Variants in ANKRD11 observed in about 807,000 individuals in gnomAD.
The protein encoded by ANKRD11 is ankyrin repeat domain 11.
ANKRD11 carries 17 observed loss-of-function variants against 195.7 expected under a neutral mutation model. The ratio of observed to expected loss-of-function variants is 0.09; its 90% confidence interval spans 0.06 to 0.13. The LOEUF (loss-of-function observed/expected upper bound fraction) is 0.13. ANKRD11 is among the 10% of genes least tolerant of loss of function. ANKRD11 has a pLI of 1.00. For missense variants in ANKRD11, 3,735 were observed against 3,566.1 expected (o/e 1.05, Z -1.21); for synonymous variants, 1,953 against 1,528.1 (o/e 1.28, Z -6.49).
chr16:89,475,212 A>T (rs1473051601), intron 1 of ANKRD11, among the ~76,000 whole-genome samples: 2 of 152,172 alleles, frequency 1.3e-5, no homozygotes, highest in Non-Finnish European at 2.9e-5. Context: ...AAAGGCAATG[A>T]CCACTCCACT....
chr16:89,449,978 G>A (rs1277540200), intron 1 of ANKRD11, among the ~76,000 whole-genome samples: 1 of 152,142 alleles, frequency 6.6e-6, no homozygotes, highest in African/African-American at 2.4e-5. Flanking sequence ...CCTAAGCAAG[G>A]GGAGCCCTGC....
chr16:89,353,646 T>G (rs964527920), intron 2 of ANKRD11, among the ~76,000 whole-genome samples: 8 of 151,984 alleles, frequency 5.3e-5, no homozygotes, highest in African/African-American at 1.9e-4. Flanking sequence ...CTTGCCTAAT[T>G]TCTTTGTATT....
rs866609551 is a variant in ANKRD11, at chr16:89,281,203, G to C, written c.5339C>G (p.Ala1780Gly). 2.5e-6 allele frequency: 4 copies of C among 1,614,208 alleles called. No individual in the cohort carries two copies. In the African/African-American group the frequency reaches 5.3e-5, roughly 22 times the overall value. ...GTAAAGGTTTGTGGAGAGAGGCCTG[G>C]CAGGAGCCTGGCTGGCGTTTTCCGA... ...GLSENASQAP[A>G]RPLSTNLYRS... Residue 1780 changes from alanine (A) to glycine (G), a missense_variant, in exon 9 of 13, where the codon GCC becomes GGC. Ala to Gly is a moderately conservative substitution (Grantham distance 60). Transcript: ENST00000301030. This position sits in a 1 kb window ranked among gnomAD's most constrained non-coding sequence, Gnocchi z 5.5.
chr16:89,385,259 G>A (rs2040858674), intron 2 of ANKRD11, among the ~76,000 whole-genome samples: 1 of 151,934 alleles, frequency 6.6e-6, no homozygotes, highest in Admixed American at 6.5e-5. Flanking sequence ...GCCCGTCTCA[G>A]CTCACTGCAC....
rs1369924058 is a variant in ANKRD11, at chr16:89,284,467, T to C, written c.2075A>G (p.Asp692Gly). The C allele has an allele frequency of 1.2e-6, 2 of 1,614,150 alleles. No individual in the cohort carries two copies. Among genetic ancestry groups the C allele is most frequent in the Admixed American group, 1.7e-5 (1 of 60,028 alleles). The change falls in exon 9 of 13, where the codon GAC becomes GGC. Residue 692 changes from aspartate (D) to glycine (G), a missense_variant. By Grantham distance (94) the Asp-to-Gly change is moderately conservative. Coordinates refer to ENST00000301030, the MANE Select transcript of ANKRD11 (RefSeq NM_013275.6). Reference sequence around the variant, plus strand: ...AAGTTTCTCTTCTTTTTTAAAGTGGTCGCGATCGTGCTTTAACACTTTTAG... The same window carrying C: ...AAGTTTCTCTTCTTTTTTAAAGTGGCCGCGATCGTGCTTTAACACTTTTAG... ...NKLKVLKHDR[D>G]HFKKEEKLSK...
chr16:89,269,205 G>T (rs531926163), intron 12 of ANKRD11, among the ~76,000 whole-genome samples: 2 of 152,254 alleles, frequency 1.3e-5, no homozygotes, highest in South Asian at 2.1e-4. Context: ...CTCAAGGCTG[G>T]AGTGCAGTGG....
At chr16:89,456,112 C>A (rs566963328) in intron 1 of ANKRD11, among the ~76,000 whole-genome samples, 3 of 152,082 alleles carry the variant, frequency 2.0e-5, no homozygotes, top group African/African-American at 7.2e-5. Flanking sequence ...TGGTGGCGTG[C>A]ACCTGTAGTC....
chr16:89,418,897 G>A (rs1038536577), intron 1 of ANKRD11, among the ~76,000 whole-genome samples: 32 of 151,756 alleles, frequency 2.1e-4, no homozygotes, highest in Non-Finnish European at 2.9e-5. Context: ...AGCCTCCCGA[G>A]TAGATGGGAT....
intron 2 of ANKRD11, among the ~76,000 whole-genome samples, chr16:89,413,890 G>A (rs2042195223): frequency 1.3e-5 from 2 of 152,116 alleles, no homozygotes; most frequent in African/African-American, 4.8e-5. Flanking sequence ...GAGGCAGGAG[G>A]GTGGTACCAA....
chr16:89,309,722 CT>C (rs2036505922), intron 3 of ANKRD11, among the ~76,000 whole-genome samples: 1 of 152,250 alleles, frequency 6.6e-6, no homozygotes, highest in Non-Finnish European at 1.5e-5. Flanking sequence ...CCCCTCTAAC[CT>C]TTCCTCACCA....
intron 7 of ANKRD11, chr16:89,286,405 G>C (rs530588542): frequency 1.3e-5 from 9 of 694,768 alleles, no homozygotes; most frequent in Middle Eastern, 4.0e-4. Context: ...GGCTGCAGCC[G>C]CGGGGGCTCC....
chr16:89,432,944 A>ATCTCTCTCTCTCTCTCTCTCTC, intron 1 of ANKRD11, among the ~76,000 whole-genome samples: 1 of 108,732 alleles, frequency 9.2e-6, no homozygotes, highest in African/African-American at 3.9e-5. Flanking sequence ...CAGAGACCCT[A>ATCTCTCTCTCTCTCTCTCTCTC]TCTCTCTCTC....
Position 89,285,294 on chromosome 16 carries a change from C to T in ANKRD11, c.1248G>A (p.Ala416=), listed in dbSNP as rs377595168. 49 of 1,613,790 alleles carry T rather than the reference C, an allele frequency of 3.0e-5. No homozygotes were observed. The highest frequency in any genetic ancestry group is 3.6e-5 in the Non-Finnish European group (42 of 1,180,036). Residue 416 remains alanine, a synonymous_variant, in exon 9 of 13, where the codon GCG becomes GCA. Transcript: ENST00000301030. The surrounding 1 kb of genome is among the most constrained non-coding windows in gnomAD (Gnocchi z 5.6). ...TCTCTCCTGTCCCCACGGTGACACT[C>T]GCGTCCTCCTCGTCCGACGTGTCTG... ...ILSDTSDEED[A]SVTVGTGEKL...
At chr16:89,484,694 C>T (rs911019288) in intron 1 of ANKRD11, among the ~76,000 whole-genome samples, 6 of 152,162 alleles carry the variant, frequency 3.9e-5, no homozygotes, top group Admixed American at 6.5e-5. Context: ...AATAACATTT[C>T]AATTTCAGCC....
At chr16:89,336,762 C>G (rs2038375912) in intron 2 of ANKRD11, among the ~76,000 whole-genome samples, 1 of 152,128 alleles carries the variant, frequency 6.6e-6, no homozygotes, top group South Asian at 2.1e-4. Flanking sequence ...GTTCTGACTA[C>G]ATGAGAGATG....
chr16:89,424,603 C>T (rs1042586487), intron 1 of ANKRD11, among the ~76,000 whole-genome samples: 1 of 152,054 alleles, frequency 6.6e-6, no homozygotes, highest in Non-Finnish European at 1.5e-5. Flanking sequence ...CAAAACAGAG[C>T]GAACATTACG....
At chr16:89,306,931 A>G (rs1223765549) in intron 3 of ANKRD11, among the ~76,000 whole-genome samples, 1 of 151,720 alleles carries the variant, frequency 6.6e-6, no homozygotes, top group East Asian at 1.9e-4. Context: ...GCTACCTCCC[A>G]GGAGGGAGAC....
intron 2 of ANKRD11, among the ~76,000 whole-genome samples, chr16:89,358,573 TAC>T (rs776691715): frequency 3.3e-5 from 5 of 152,180 alleles, no homozygotes; most frequent in Admixed American, 3.3e-4. Context: ...ACCCCATAAA[TAC>T]ATTCATCTAT....
In ANKRD11 at chr16:89,349,901, CACACACACACAT is replaced by C. The variant is rs1276667059; in HGVS notation, c.-59-32835_-59-32824del. Among the ~76,000 whole-genome samples, 604 of 132,820 alleles carry C rather than the reference CACACACACACAT, an allele frequency of 4.5e-3. 8 individuals are homozygous for C. The highest frequency in any genetic ancestry group is 0.019 in the Middle Eastern group (5 of 260). 87.1% of individuals were successfully genotyped at this position (132,820 alleles called of 152,430 possible). Reference sequence around the variant, plus strand: ...ACACACACACACACACACACACACACACACACACACATATTCAAACAACAAATAGCTGGTAAA... The same window carrying C: ...ACACACACACACACACACACACACACATTCAAACAACAAATAGCTGGTAAA... On this transcript the variant is annotated intron_variant, in intron 2 of 12. Transcript: ENST00000301030.
Sources: allele counts gnomAD v4.1 joint callset (sites outside exome capture counted in the v4.1 genomes callset), GRCh38; gene constraint gnomAD v4.1.1; non-coding constraint Gnocchi (gnomAD v3.1); transcripts MANE v1.5; gene names NCBI Gene and HGNC (gene_info 2026-07-23, HGNC 2026-07-21).